The following PHAF1 variants were observed in gnomAD, a reference collection of about 807,000 sequenced individuals.
PHAF1 encodes phagosome assembly factor 1.
Under a neutral mutation model 63.1 loss-of-function variants are expected in PHAF1, and 23 were observed. That is an observed-to-expected ratio of 0.36 (90% CI 0.26 to 0.52). The LOEUF (loss-of-function observed/expected upper bound fraction) is 0.52, where lower values mean the gene tolerates loss of function less well. Among genes scored for constraint, PHAF1 ranks in the 20% least tolerant of loss-of-function variants. The pLI is 0.93. For missense variants in PHAF1, 427 were observed against 517.2 expected, an observed-to-expected ratio of 0.83 and a Z score of 1.69; for synonymous variants, 167 against 185.0, an observed-to-expected ratio of 0.90 and a Z score of 0.79.
At chr16:67,129,108 G>GA (rs1963297896) in intron 3 of PHAF1, among the ~76,000 whole-genome samples, 1 of 152,210 alleles carries the variant, frequency 6.6e-6, no homozygotes, top group African/African-American at 2.4e-5. Context: ...CAGTGAAATG[G>GA]CATGCCAGTT....
intron 1 of PHAF1, among the ~76,000 whole-genome samples, chr16:67,117,199 A>ATTTTTTTTTTTTTTTTT (rs750308105): frequency 9.8e-5 from 11 of 111,950 alleles, no homozygotes; most frequent in South Asian, 3.0e-4. Context: ...TGCCCAGCTA[A>ATTTTTTTTTTTTTTTTT]TTTTTTTTTT....
chr16:67,116,803 T>C (rs977791862), intron 1 of PHAF1, among the ~76,000 whole-genome samples: 1 of 151,980 alleles, frequency 6.6e-6, no homozygotes, highest in African/African-American at 2.4e-5. Flanking sequence ...TGAGCCAAGA[T>C]TGCACCACTA....
intron 3 of PHAF1, among the ~76,000 whole-genome samples, chr16:67,129,964 A>G (rs1963327058): frequency 6.6e-6 from 1 of 152,224 alleles, no homozygotes; most frequent in African/African-American, 2.4e-5. Flanking sequence ...GACAAATATT[A>G]TGGCTTGCTT....
In PHAF1 at chr16:67,145,295, C is replaced by T. The variant is rs943434760; in HGVS notation, c.1007-81C>T. ...CTCCAACCCCAGTGCAAAGGGACAC[C>T]AGGTCTGGTTCCTACCTAGGGCTGG... On this transcript the variant is annotated intron_variant, in intron 12 of 15. Coordinates refer to ENST00000219139, the MANE Select transcript of PHAF1 (RefSeq NM_025187.5). The T allele has an allele frequency of 6.0e-6, 9 of 1,503,222 alleles. No homozygotes were observed. The African/African-American group carries it at 6.9e-5, about 12-fold the overall frequency. 93.1% of individuals were successfully genotyped at this position (1,503,222 alleles called of 1,614,324 possible). A position where few individuals can be genotyped will look rare whatever the true frequency, so the allele number is the denominator to read the frequency against.
intron 3 of PHAF1, 39 bp from the exon 4 acceptor site, chr16:67,131,247 C>A: frequency 7.0e-6 from 8 of 1,145,242 alleles, no homozygotes; most frequent in East Asian, 2.9e-5. Flanking sequence ...AGTCTGTCAT[C>A]ACTTTCAGAG....
chr16:67,112,973 G>T (rs758995029), intron 1 of PHAF1, among the ~76,000 whole-genome samples: 2 of 152,180 alleles, frequency 1.3e-5, no homozygotes, highest in Non-Finnish European at 2.9e-5. Flanking sequence ...GGTAGGGATA[G>T]GTCTCGGAAG....
chr16:67,111,387 G>A (rs1485072271), intron 1 of PHAF1, among the ~76,000 whole-genome samples: 1 of 152,162 alleles, frequency 6.6e-6, no homozygotes, highest in Non-Finnish European at 1.5e-5. Context: ...CTAAGAAAAG[G>A]GGGTGGGGTA....
chr16:67,142,254 T>G (rs1272065216), intron 10 of PHAF1, among the ~76,000 whole-genome samples: 1 of 152,194 alleles, frequency 6.6e-6, no homozygotes, highest in Non-Finnish European at 1.5e-5. Context: ...TCTGTCCAAG[T>G]CTGGCTGAAT....
At chr16:67,110,839 C>G (rs569100050) in intron 1 of PHAF1, among the ~76,000 whole-genome samples, 1 of 152,290 alleles carries the variant, frequency 6.6e-6, no homozygotes, top group South Asian at 2.1e-4. Context: ...GAGACGAAGT[C>G]TCGCTCTGTC....
chr16:67,147,167 C>G lies in PHAF1; in HGVS notation c.*36C>G. 1.3e-6 allele frequency: 2 copies of G among 1,557,364 alleles called. No homozygotes were observed. The highest frequency in any genetic ancestry group is 1.8e-6 in the Non-Finnish European group (2 of 1,128,750). On this transcript the variant is annotated 3_prime_UTR_variant, in exon 16 of 16. Coordinates refer to ENST00000219139, the MANE Select transcript of PHAF1 (RefSeq NM_025187.5). ...ACCCATGCCCCTCTGTCCCGTGGAA[C>G]TGTGCATCACATCCTGCTCAGTGGG... is the stretch of plus-strand genomic sequence containing the variant.
intron 2 of PHAF1, among the ~76,000 whole-genome samples, chr16:67,121,561 T>C: frequency 6.6e-6 from 1 of 151,608 alleles, no homozygotes; most frequent in East Asian, 1.9e-4. Context: ...TGGATTCTCG[T>C]TAATTAAATT....
intron 1 of PHAF1, among the ~76,000 whole-genome samples, chr16:67,117,300 C>T (rs1348023218): frequency 1.3e-5 from 2 of 148,654 alleles, no homozygotes; most frequent in South Asian, 2.2e-4. Flanking sequence ...CCGCCTGCCT[C>T]GGCCTCCCAA....
At chr16:67,135,892 TCTC>T in intron 8 of PHAF1, 2 of 152,226 alleles carry the variant, frequency 1.3e-5, no homozygotes, top group East Asian at 3.9e-4. Flanking sequence ...CATGCCTGGC[TCTC>T]CTTTTTCTAC....
intron 8 of PHAF1, among the ~76,000 whole-genome samples, chr16:67,139,128 C>T (rs1373726526): frequency 6.6e-6 from 1 of 151,970 alleles, no homozygotes; most frequent in Non-Finnish European, 1.5e-5. Flanking sequence ...CACCATGTTG[C>T]CCAGGCTGGT....
In PHAF1 at chr16:67,120,099, T is replaced by C; in HGVS notation, c.65-13T>C. ...AGCCAAAATAACCACATAGGTGTCT[T>C]GCTTTATTTCAGGAATGCCTCTGGC... On this transcript the variant is annotated splice_polypyrimidine_tract_variant and intron_variant, in intron 1 of 15. Transcript: ENST00000219139. The C allele has an allele frequency of 1.2e-6, 2 of 1,612,568 alleles. No individual in the cohort carries two copies. Among genetic ancestry groups the C allele is most frequent in the Non-Finnish European group, 1.7e-6 (2 of 1,179,026 alleles).
intron 1 of PHAF1, among the ~76,000 whole-genome samples, chr16:67,116,314 T>C (rs186580650): frequency 6.6e-6 from 1 of 152,368 alleles, no homozygotes; most frequent in East Asian, 1.9e-4. Flanking sequence ...GACTGAAGAA[T>C]GGCCTCTCAG....
chr16:67,133,471 A>G (rs548278588), intron 6 of PHAF1, among the ~76,000 whole-genome samples: 9 of 145,692 alleles, frequency 6.2e-5, no homozygotes, highest in Non-Finnish European at 7.5e-5. Context: ...GTTGGCCAAC[A>G]TGGTGAAACC....
chr16:67,121,175 T>C (rs544135097), intron 2 of PHAF1, among the ~76,000 whole-genome samples: 6 of 151,752 alleles, frequency 4.0e-5, no homozygotes, highest in African/African-American at 1.2e-4. Flanking sequence ...AGGGGACTTG[T>C]AGGAGTGGGC....
rs749165068 is a variant in PHAF1, at chr16:67,147,155, T to C, written c.*24T>C. On this transcript the variant is annotated 3_prime_UTR_variant, in exon 16 of 16. Transcript: ENST00000219139. ...AGGGACACCACCACCCATGCCCCTC[T>C]GTCCCGTGGAACTGTGCATCACATC... 10 of 1,581,070 alleles carry C rather than the reference T, an allele frequency of 6.3e-6. No individual in the cohort carries two copies. The highest frequency in any genetic ancestry group is 8.7e-7 in the Non-Finnish European group (1 of 1,150,174).
Sources: allele counts gnomAD v4.1 joint callset (sites outside exome capture counted in the v4.1 genomes callset), GRCh38; gene constraint gnomAD v4.1.1; transcripts MANE v1.5; gene names NCBI Gene and HGNC (gene_info 2026-07-23, HGNC 2026-07-21).